The following C21orf58 variants were observed in gnomAD, a reference collection of about 807,000 sequenced individuals.
The protein encoded by C21orf58 is chromosome 21 open reading frame 58.
C21orf58 carries 34 observed loss-of-function variants against 35.8 expected under a neutral mutation model. The ratio of observed to expected loss-of-function variants is 0.95; its 90% CI spans 0.72 to 1.26. The LOEUF (loss-of-function observed/expected upper bound fraction) is 1.26. Ranked by LOEUF, C21orf58 falls within the 50% of genes most tolerant of loss-of-function variation. C21orf58 has a pLI of 0.00. For synonymous variants in C21orf58, 191 were observed against 175.8 expected (o/e 1.09, Z -0.68); for missense variants, 440 against 414.3 (o/e 1.06, Z -0.54).
At chr21:46,311,815 C>T (rs1422094572) in intron 5 of C21orf58, among the ~76,000 whole-genome samples, 1 of 151,598 alleles carries the variant, frequency 6.6e-6, no homozygotes, top group Non-Finnish European at 1.5e-5. Context: ...ATTCATCCAC[C>T]CACCCATCCA....
intron 5 of C21orf58, among the ~76,000 whole-genome samples, chr21:46,313,823 C>T (rs2082848902): frequency 6.6e-6 from 1 of 152,156 alleles, no homozygotes; most frequent in Admixed American, 6.5e-5. Context: ...CAAAAGCCTT[C>T]CAGGTCATAG....
chr21:46,317,121 C>A, intron 3 of C21orf58, 87 bp downstream of exon 3: 1 of 1,168,836 alleles, frequency 8.6e-7, no homozygotes, highest in Non-Finnish European at 1.2e-6. Context: ...GAGTTGCTGT[C>A]CCCACCTCCC....
intron 3 of C21orf58, among the ~76,000 whole-genome samples, 199 bp from the exon 4 acceptor site, chr21:46,315,746 A>G (rs1341154055): frequency 3.3e-5 from 5 of 152,158 alleles, no homozygotes; most frequent in Admixed American, 1.3e-4. Context: ...GGCAAGGGGC[A>G]GCATCAGGGG....
intron 1 of C21orf58, chr21:46,322,364 A>G: frequency 1.2e-5 from 10 of 830,770 alleles, no homozygotes; most frequent in Non-Finnish European, 1.5e-5. Context: ...GTCCACAGAA[A>G]CGACTCTGGG....
chr21:46,310,044 A>T (rs1738857793), intron 6 of C21orf58, among the ~76,000 whole-genome samples: 1 of 152,134 alleles, frequency 6.6e-6, no homozygotes, highest in Non-Finnish European at 1.5e-5. Context: ...TCAAACTACT[A>T]CATAGTGACG....
intron 6 of C21orf58, among the ~76,000 whole-genome samples, chr21:46,310,565 T>C (rs1240284024): frequency 6.6e-6 from 1 of 151,402 alleles, no homozygotes; most frequent in Non-Finnish European, 1.5e-5. Context: ...TCCCAGCACT[T>C]TGAGAGGCTG....
chr21:46,313,357 C>T lies in C21orf58; in HGVS notation c.609+1359G>A, dbSNP rs1418535942. Reference sequence around the variant, plus strand: ...GAATAGGAGGCAGGCCAGCTCCGGTCTGAAGCTGTGGTTTGCCCACCCCTG... The same window carrying T: ...GAATAGGAGGCAGGCCAGCTCCGGTTTGAAGCTGTGGTTTGCCCACCCCTG... On this transcript the variant is annotated intron_variant, in intron 5 of 7. Transcript: ENST00000291691. Among the ~76,000 whole-genome samples the T allele has an allele frequency of 4.6e-5, 7 of 152,322 alleles. No homozygotes were observed. In the East Asian group the frequency reaches 1.2e-3, roughly 25 times the overall value.
intron 6 of C21orf58, among the ~76,000 whole-genome samples, chr21:46,310,306 T>C (rs888081044): frequency 6.7e-6 from 1 of 149,524 alleles, no homozygotes; most frequent in Non-Finnish European, 1.5e-5. Flanking sequence ...GTGAAACCCC[T>C]GTCTCTACCA....
In C21orf58 at chr21:46,318,014, G is replaced by A; in HGVS notation, c.307C>T (p.Gln103Ter). The A allele has an allele frequency of 6.2e-7, 1 of 1,613,326 alleles. No individual in the cohort carries two copies. The highest frequency in any genetic ancestry group is 8.5e-7 in the Non-Finnish European group (1 of 1,179,974). The change falls in exon 2 of 8, where the codon CAG becomes TAG. Residue 103 changes from glutamine (Q) to a stop codon, truncating the protein, a stop_gained and splice_region_variant. Coordinates refer to ENST00000291691, the MANE Select transcript of C21orf58 (RefSeq NM_058180.5). LOFTEE classifies it high-confidence loss of function. Reference sequence around the variant, plus strand: ...GAGCATCCCGGGCTCTGCCTCACCTGTCCCAAGAGCTTCAGCGTCAGTCGG... The same window carrying A: ...GAGCATCCCGGGCTCTGCCTCACCTATCCCAAGAGCTTCAGCGTCAGTCGG... ...VTRLTLKLLG[Q>*]KLEQERQNVE...
intron 5 of C21orf58, among the ~76,000 whole-genome samples, chr21:46,312,176 T>C (rs2082759355): frequency 6.6e-6 from 1 of 152,036 alleles, no homozygotes; most frequent in African/African-American, 2.4e-5. Flanking sequence ...GAATAAATGG[T>C]TGAATGGAAA....
rs1446161682 is a variant in C21orf58 at position 46,301,851 on chromosome 21, A to G, written c.*148T>C. The G allele has an allele frequency of 3.1e-6, 4 of 1,271,754 alleles. No individual in the cohort carries two copies. The highest frequency in any genetic ancestry group is 4.0e-6 in the Non-Finnish European group (4 of 1,010,952). The allele number at this position is 1,271,754 out of a possible 1,614,324, so 78.8% of individuals were successfully genotyped here. On this transcript the variant is annotated 3_prime_UTR_variant, in exon 8 of 8. Coordinates refer to ENST00000291691, the MANE Select transcript of C21orf58 (RefSeq NM_058180.5). ...GAAAGCGAGCCTGCCCAGCTTCCCC[A>G]GGAGGAGCCTGCAGTCCACACTCGC... is the stretch of plus-strand genomic sequence containing the variant.
rs1001910657 is a variant in C21orf58, at chr21:46,302,151, G to A, written c.817C>T (p.Pro273Ser). The A allele has an allele frequency of 2.0e-6, 3 of 1,487,174 alleles. No homozygotes were observed. The highest frequency in any genetic ancestry group is 2.7e-6 in the Non-Finnish European group (3 of 1,117,700). The allele number at this position is 1,487,174 out of a possible 1,614,324, so 92.1% of individuals were successfully genotyped here. The change falls in exon 8 of 8, where the codon CCG becomes TCG. Residue 273 changes from proline (P) to serine (S), a missense_variant. Physicochemically the swap from Pro to Ser is moderately conservative, Grantham distance 74. Coordinates refer to ENST00000291691, the MANE Select transcript of C21orf58 (RefSeq NM_058180.5). Reference sequence around the variant, plus strand: ...GGGACCCTCGGGGGCACATGTGGCGGGTCCTGCCACAGACGCACCTGCTGC... The same window carrying A: ...GGGACCCTCGGGGGCACATGTGGCGAGTCCTGCCACAGACGCACCTGCTGC... ...LKALPPALQD[P>S]PHVPPRVPRA...
intron 1 of C21orf58, among the ~76,000 whole-genome samples, chr21:46,319,610 A>G (rs987317266): frequency 6.6e-6 from 1 of 152,160 alleles, no homozygotes. Flanking sequence ...AAAAAATAAT[A>G]AAAAAGGGCC....
intron 6 of C21orf58, among the ~76,000 whole-genome samples, chr21:46,303,067 G>A (rs2082199274): frequency 6.6e-6 from 1 of 152,174 alleles, no homozygotes; most frequent in Non-Finnish European, 1.5e-5. Context: ...GGGAGGCTGA[G>A]GCATGAGAAT....
intron 6 of C21orf58, 124 bp from the exon 7 acceptor site, chr21:46,302,700 C>G: frequency 1.3e-6 from 1 of 771,638 alleles, no homozygotes; most frequent in East Asian, 2.7e-5. Context: ...CCGGGGCAGG[C>G]TCTGAGTCCG....
chr21:46,308,316 C>T (rs1207309023), intron 6 of C21orf58, among the ~76,000 whole-genome samples: 2 of 151,966 alleles, frequency 1.3e-5, no homozygotes, highest in Non-Finnish European at 2.9e-5. Flanking sequence ...CAAAAATCAG[C>T]CGGGCGTGGT....
intron 1 of C21orf58, among the ~76,000 whole-genome samples, chr21:46,321,999 T>C (rs747676959): frequency 1.4e-5 from 2 of 146,496 alleles, no homozygotes; most frequent in Non-Finnish European, 3.0e-5. Context: ...TAGTTTAAAA[T>C]GAATTGAGGC....
chr21:46,318,459 GAACC>G, intron 1 of C21orf58: 1 of 1,405,444 alleles, frequency 7.1e-7, no homozygotes, highest in Admixed American at 2.9e-5. Context: ...CAGAGGGGCA[GAACC>G]CTCAGACCTG....
downstream of C21orf58, chr21:46,300,569 A>G: frequency 9.8e-7 from 1 of 1,015,602 alleles, no homozygotes; most frequent in Non-Finnish European, 1.2e-6. Flanking sequence ...AGAGGCACGA[A>G]AAGATGGTTC....
Sources: gnomAD v4.1 joint callset for allele counts (sites outside exome capture counted in the v4.1 genomes callset) on GRCh38, gnomAD v4.1.1 for gene constraint, MANE v1.5 for transcripts, NCBI Gene and HGNC (gene_info 2026-07-23, HGNC 2026-07-21) for gene names.